The following CHCHD3 variants were observed in gnomAD, a reference collection of about 807,000 sequenced individuals.
The protein encoded by CHCHD3 is MICOS complex subunit MIC19.
CHCHD3 carries 20 observed loss-of-function variants against 38.2 expected under a neutral mutation model. That is an observed-to-expected ratio of 0.52 (90% CI 0.37 to 0.76). CHCHD3 has a LOEUF of 0.76. CHCHD3 is among the 30% of genes least tolerant of loss of function. The pLI, the probability that CHCHD3 is intolerant of heterozygous loss-of-function variation, is 0.00. For missense variants in CHCHD3, 245 were observed against 279.2 expected, an observed-to-expected ratio of 0.88 and a Z score of 0.87; for synonymous variants, 82 against 100.0, an observed-to-expected ratio of 0.82 and a Z score of 1.07.
chr7:132,785,169 GT>G lies in CHCHD3; in HGVS notation c.*467del, dbSNP rs1806280800. On this transcript the variant is annotated 3_prime_UTR_variant, in exon 8 of 8. Coordinates refer to ENST00000262570, the MANE Select transcript of CHCHD3 (RefSeq NM_017812.4). The stretch of plus-strand genomic sequence containing the variant: ...ATCCAGCACTGCTGCCTCCAGATCT[GT>G]TTTCTGGCTCTCTCCACCCAGCACT... 6.3e-6 allele frequency: 1 copy of G among 158,548 alleles called. No homozygotes were observed. Among genetic ancestry groups the G allele is most frequent in the South Asian group, 2.0e-4 (1 of 5,098 alleles). The allele number at this position is 158,548 out of a possible 1,614,324, so 9.8% of individuals were successfully genotyped here. A position where few individuals can be genotyped will look rare whatever the true frequency, so the allele number is the denominator to read the frequency against.
intron 3 of CHCHD3, among the ~76,000 whole-genome samples, chr7:133,021,913 C>T (rs1179013279): frequency 3.3e-5 from 5 of 151,906 alleles, no homozygotes; most frequent in African/African-American, 9.7e-5. Context: ...GGTGAAACCC[C>T]GTCTCTACTA....
intron 6 of CHCHD3, among the ~76,000 whole-genome samples, chr7:132,829,417 TAAG>T (rs915418546): frequency 1.3e-5 from 2 of 152,132 alleles, no homozygotes; most frequent in African/African-American, 2.4e-5. Flanking sequence ...TCGTATTGAT[TAAG>T]AAGAAAGTTC....
chr7:132,850,100 C>T (rs1585570012), intron 5 of CHCHD3, among the ~76,000 whole-genome samples: 1 of 152,290 alleles, frequency 6.6e-6, no homozygotes, highest in East Asian at 1.9e-4. Flanking sequence ...ACACTGGAAG[C>T]AACTTTCTCC....
At chr7:133,008,640 G>A (rs756233348) in intron 3 of CHCHD3, among the ~76,000 whole-genome samples, 7 of 151,940 alleles carry the variant, frequency 4.6e-5, no homozygotes, top group Non-Finnish European at 8.8e-5. Flanking sequence ...AATGACCACC[G>A]TAATAAAGAA....
At chr7:132,880,821 CA>C (rs148660625) in intron 5 of CHCHD3, among the ~76,000 whole-genome samples, 1 of 151,360 alleles carries the variant, frequency 6.6e-6, no homozygotes, top group Non-Finnish European at 1.5e-5. Context: ...GTTGGGAAAA[CA>C]AAAAAAACAG....
intron 4 of CHCHD3, among the ~76,000 whole-genome samples, chr7:132,900,398 G>A (rs1178873141): frequency 1.3e-5 from 2 of 152,116 alleles, no homozygotes; most frequent in South Asian, 2.1e-4. Context: ...GCCTGAGACC[G>A]GAGGCATACA....
At chr7:132,995,653 G>A (rs1034524488) in intron 3 of CHCHD3, among the ~76,000 whole-genome samples, 27 of 152,156 alleles carry the variant, frequency 1.8e-4, no homozygotes, top group African/African-American at 5.8e-4. Context: ...GGAATTGGCC[G>A]GCAGGAGACA....
At chr7:132,909,555 G>A (rs187879424) in intron 4 of CHCHD3, among the ~76,000 whole-genome samples, 15 of 152,260 alleles carry the variant, frequency 9.9e-5, no homozygotes, top group South Asian at 2.1e-4. Flanking sequence ...ATAGCAGCAT[G>A]AGAACAGACT....
rs530273823 is a variant in CHCHD3 at position 132,865,889 on chromosome 7, G to A, written c.453+19773C>T. Among the ~76,000 whole-genome samples the A allele has an allele frequency of 4.6e-5, 7 of 152,236 alleles. No individual in the cohort carries two copies. The East Asian group carries it at 7.7e-4, about 17-fold the overall frequency. ...CACAAGAAACACTTGTGCCTGGGTC[G>A]TGACTGCCCTCAGCATTCCTTCTGG... is the stretch of plus-strand genomic sequence containing the variant. On this transcript the variant is annotated intron_variant, in intron 5 of 7. Transcript: ENST00000262570.
intron 5 of CHCHD3, among the ~76,000 whole-genome samples, chr7:132,839,947 C>T (rs976993110): frequency 1.3e-5 from 2 of 152,164 alleles, no homozygotes; most frequent in Non-Finnish European, 2.9e-5. Context: ...TTGTAAGGAT[C>T]GATTGTAATT....
intron 2 of CHCHD3, among the ~76,000 whole-genome samples, chr7:133,033,667 T>C: frequency 6.6e-6 from 1 of 152,184 alleles, no homozygotes; most frequent in Non-Finnish European, 1.5e-5. Flanking sequence ...AGATAAACAT[T>C]TGGATGACAC....
chr7:132,859,395 A>T (rs148275593), intron 5 of CHCHD3, among the ~76,000 whole-genome samples: 1 of 152,340 alleles, frequency 6.6e-6, no homozygotes, highest in African/African-American at 2.4e-5. Flanking sequence ...CTGAAACAAC[A>T]ACAACAAAAC....
intron 4 of CHCHD3, among the ~76,000 whole-genome samples, chr7:132,938,674 C>A (rs2117266842): frequency 6.6e-6 from 1 of 152,264 alleles, no homozygotes; most frequent in African/African-American, 2.4e-5. Flanking sequence ...CCATAAGCCA[C>A]AGTCCAAACT....
At chr7:132,958,208 C>A (rs1008076342) in intron 4 of CHCHD3, among the ~76,000 whole-genome samples, 28 of 152,208 alleles carry the variant, frequency 1.8e-4, no homozygotes, top group Non-Finnish European at 5.9e-5. Flanking sequence ...AGAGTTGTTA[C>A]ACCAGGGCAG....
Position 133,082,049 on chromosome 7 carries a change from C to A in CHCHD3, c.-112G>T, listed in dbSNP as rs536166643. The A allele has an allele frequency of 7.2e-6, 7 of 973,810 alleles. No individual in the cohort carries two copies. Among genetic ancestry groups the A allele is most frequent in the Admixed American group, 3.1e-5 (1 of 32,284 alleles). 60.3% of individuals were successfully genotyped at this position (973,810 alleles called of 1,614,324 possible). On this transcript the variant is annotated 5_prime_UTR_variant, in exon 1 of 8. Coordinates refer to ENST00000262570, the MANE Select transcript of CHCHD3 (RefSeq NM_017812.4). ...GGATTCTTTTCCCGCACAGCGGGAG[C>A]AAGGCCACGACCCCCAGAAGCAAGG...
At chr7:132,864,749 A>C (rs1353234966) in intron 5 of CHCHD3, among the ~76,000 whole-genome samples, 1 of 152,168 alleles carries the variant, frequency 6.6e-6, no homozygotes, top group Non-Finnish European at 1.5e-5. Flanking sequence ...TCCTCTTTCC[A>C]TGCCGAGATA....
chr7:132,816,877 C>T (rs561800838), intron 6 of CHCHD3, among the ~76,000 whole-genome samples: 82 of 152,208 alleles, frequency 5.4e-4, no homozygotes, highest in African/African-American at 1.6e-3. Flanking sequence ...AAAGGATTTC[C>T]CTAGATAAAG....
chr7:133,017,788 GAAAT>G (rs1200380800), intron 3 of CHCHD3, among the ~76,000 whole-genome samples: 28 of 152,196 alleles, frequency 1.8e-4, no homozygotes, highest in African/African-American at 6.7e-4. Context: ...TTTGAAAAAA[GAAAT>G]AAAACAATAA....
intron 4 of CHCHD3, among the ~76,000 whole-genome samples, chr7:132,930,991 C>T (rs1810499948): frequency 6.6e-6 from 1 of 152,176 alleles, no homozygotes; most frequent in South Asian, 2.1e-4. Context: ...AGTCTTCTAA[C>T]TAGAATTTAA....
Sources: allele counts gnomAD v4.1 joint callset (sites outside exome capture counted in the v4.1 genomes callset), GRCh38; gene constraint gnomAD v4.1.1; transcripts MANE v1.5; gene names NCBI Gene and HGNC (gene_info 2026-07-23, HGNC 2026-07-21).